The following NT5C3A variants were observed in gnomAD, a reference collection of about 807,000 sequenced individuals.
NT5C3A encodes cytosolic 5'-nucleotidase 3A.
In NT5C3A, 23 loss-of-function variants were observed where a neutral mutation model predicts 40.0. The observed-to-expected ratio is 0.58, with a 90% confidence interval of 0.41 to 0.81. The LOEUF (loss-of-function observed/expected upper bound fraction) is 0.81, where lower values mean the gene tolerates loss of function less well. Ranked by LOEUF, NT5C3A falls within the 40% of genes least tolerant of loss-of-function variation. The pLI is 0.00. For synonymous variants in NT5C3A, 130 were observed against 141.4 expected (o/e 0.92, Z 0.57); for missense variants, 328 against 403.0 (o/e 0.81, Z 1.59).
chr7:33,040,297 T>A (rs2128009443), intron 1 of NT5C3A, among the ~76,000 whole-genome samples: 1 of 152,336 alleles, frequency 6.6e-6, no homozygotes, highest in East Asian at 1.9e-4. Flanking sequence ...TTCTAGGCTT[T>A]TACTGTAATA....
At chr7:33,045,155 G>A (rs1344743063) in intron 1 of NT5C3A, among the ~76,000 whole-genome samples, 1 of 152,214 alleles carries the variant, frequency 6.6e-6, no homozygotes, top group Non-Finnish European at 1.5e-5. Context: ...AGACAATTTA[G>A]TAGAAGATGA....
chr7:33,022,610 T>C (rs939519275), intron 3 of NT5C3A, among the ~76,000 whole-genome samples: 1 of 152,206 alleles, frequency 6.6e-6, no homozygotes, highest in Non-Finnish European at 1.5e-5. Context: ...GTCTTAAGAT[T>C]TCATGTATAT....
chr7:33,056,473 CAAAAAAAAAAAAAAAAAAAAAAAAAAA>C lies in NT5C3A; in HGVS notation c.138+6068_138+6094del, dbSNP rs70989927. ...GCAAATAGTGAGACCCCGTCTCTAC[CAAAAAAAAAAAAAAAAAAAAAAAAAAA>C]AAAAAAAAAAAAAAAATTTAACTTA... is the stretch of plus-strand genomic sequence containing the variant. On this transcript the variant is annotated intron_variant, in intron 1 of 8. Transcript: ENST00000610140. Among the ~76,000 whole-genome samples, 23 of 43,718 alleles carry C rather than the reference CAAAAAAAAAAAAAAAAAAAAAAAAAAA, an allele frequency of 5.3e-4. No individual in the cohort carries two copies. The South Asian group carries it at 0.021, about 40-fold the overall frequency. The allele number at this position is 43,718 out of a possible 152,430, so 28.7% of individuals were successfully genotyped here.
rs530924306 is a variant in NT5C3A at position 33,023,171 on chromosome 7, C to T, written c.307+868G>A. On this transcript the variant is annotated intron_variant, in intron 3 of 8. Coordinates refer to ENST00000610140, the MANE Select transcript of NT5C3A (RefSeq NM_001002010.5). ...AAGTGATTATTCCACCTCCACCTCCCGAAGTGCTGGGATTACAGGCGTGAG... is the reference window on the plus strand; with the variant it reads ...AAGTGATTATTCCACCTCCACCTCCTGAAGTGCTGGGATTACAGGCGTGAG... Among the ~76,000 whole-genome samples, 215 of 152,116 alleles carry T rather than the reference C, an allele frequency of 1.4e-3. 1 individual carries two copies. The highest frequency in any genetic ancestry group is 2.6e-3 in the Admixed American group (39 of 15,252).
At chr7:33,031,453 T>G (rs1013380139) in intron 1 of NT5C3A, among the ~76,000 whole-genome samples, 17 of 151,900 alleles carry the variant, frequency 1.1e-4, no homozygotes, top group African/African-American at 4.1e-4. Flanking sequence ...CCGGGCATGG[T>G]GGTGCACATC....
chr7:33,030,940 A>G (rs1189381861), intron 1 of NT5C3A, among the ~76,000 whole-genome samples: 1 of 151,876 alleles, frequency 6.6e-6, no homozygotes, highest in Non-Finnish European at 1.5e-5. Flanking sequence ...TCTACTAAAA[A>G]TACAAAAAAT....
In NT5C3A at chr7:33,062,677, C is replaced by T; in HGVS notation, c.29G>A (p.Gly10Asp). Residue 10 changes from glycine (G) to aspartate (D), a missense_variant, in exon 1 of 9, where the codon GGC becomes GAC. Coordinates refer to ENST00000610140, the MANE Select transcript of NT5C3A (RefSeq NM_001002010.5). MDRAAVARV[G>D]AVASASVCAL... ...GCACACGCTGGCGCTCGCTACCGCG[C>T]CCACCCTCGCCACGGCCGCGCGGTC... 6.3e-7 allele frequency: 1 copy of T among 1,576,872 alleles called. No individual in the cohort carries two copies. Among genetic ancestry groups the T allele is most frequent in the South Asian group, 1.1e-5 (1 of 86,996 alleles).
intron 1 of NT5C3A, among the ~76,000 whole-genome samples, chr7:33,027,968 A>G (rs1786040439): frequency 1.3e-5 from 2 of 152,240 alleles, no homozygotes; most frequent in South Asian, 4.1e-4. Context: ...AGCAGAAAGG[A>G]AGCAATTATC....
chr7:33,057,688 G>T lies in NT5C3A; in HGVS notation c.138+4880C>A, dbSNP rs183622704. Reference sequence around the variant, plus strand: ...TGGAAATGACCATTTTTAACTGGTTGTAGAGGTTCTAGTGATCGTTCCATC... The same window carrying T: ...TGGAAATGACCATTTTTAACTGGTTTTAGAGGTTCTAGTGATCGTTCCATC... On this transcript the variant is annotated intron_variant, in intron 1 of 8. Transcript: ENST00000610140. Among the ~76,000 whole-genome samples, 23 of 152,234 alleles carry T rather than the reference G, an allele frequency of 1.5e-4. No homozygotes were observed. The East Asian group carries it at 4.4e-3, about 29-fold the overall frequency.
chr7:33,017,319 G>T (rs1785387381), intron 7 of NT5C3A, 120 bp downstream of exon 7: 1 of 707,844 alleles, frequency 1.4e-6, no homozygotes, highest in Admixed American at 2.5e-5. Flanking sequence ...TCCCACAGTG[G>T]GCCTATCGGC....
At chr7:33,032,141 A>C (rs903234209) in intron 1 of NT5C3A, among the ~76,000 whole-genome samples, 1 of 148,816 alleles carries the variant, frequency 6.7e-6, no homozygotes, top group African/African-American at 2.5e-5. Context: ...AAACAAAAAA[A>C]GGCCAGGCAC....
chr7:33,035,752 C>CA (rs1365216055), intron 1 of NT5C3A, among the ~76,000 whole-genome samples: 8 of 152,132 alleles, frequency 5.3e-5, no homozygotes, highest in South Asian at 2.1e-4. Flanking sequence ...AGATTTCAAG[C>CA]AAAAACATTT....
chr7:33,050,843 A>T (rs1036654174), intron 1 of NT5C3A, among the ~76,000 whole-genome samples: 6 of 152,266 alleles, frequency 3.9e-5, no homozygotes, highest in Admixed American at 6.5e-5. Flanking sequence ...CTGAGAGTTA[A>T]CATAAAAGTG....
intron 1 of NT5C3A, among the ~76,000 whole-genome samples, chr7:33,042,261 C>T (rs778492874): frequency 6.6e-6 from 1 of 151,760 alleles, no homozygotes; most frequent in Non-Finnish European, 1.5e-5. Context: ...ACCCAGGAGG[C>T]GGAGGTTGCA....
intron 1 of NT5C3A, among the ~76,000 whole-genome samples, chr7:33,048,114 A>C (rs923323758): frequency 6.6e-6 from 1 of 152,118 alleles, no homozygotes; most frequent in Non-Finnish European, 1.5e-5. Flanking sequence ...CAGGTCCAAG[A>C]AAACAGGATG....
Position 33,062,592 on chromosome 7 carries a change from C to T in NT5C3A, c.114G>A (p.Gly38=). Residue 38 remains glycine, a synonymous_variant, in exon 1 of 9, where the codon GGG becomes GGA. Transcript: ENST00000610140. The stretch of plus-strand genomic sequence containing the variant: ...CCATCTCGATGATCTTGGTCTTCCG[C>T]CCCGTCTTCCTCTTCAAGGTGAATA... ...QYIFTLKRKT[G]RKTKIIEMMP... The T allele has an allele frequency of 6.2e-7, 1 of 1,610,222 alleles. No homozygotes were observed. Among genetic ancestry groups the T allele is most frequent in the Non-Finnish European group, 8.5e-7 (1 of 1,179,000 alleles).
chr7:33,040,544 C>G lies in NT5C3A; in HGVS notation c.139-13629G>C, dbSNP rs185015218. On this transcript the variant is annotated intron_variant, in intron 1 of 8. Coordinates refer to ENST00000610140, the MANE Select transcript of NT5C3A (RefSeq NM_001002010.5). ...TGAGTCACATAGCCAACTGAATGAA[C>G]AACCAAATTGAATCTTAGAGTGTTT... is the stretch of plus-strand genomic sequence containing the variant. Among the ~76,000 whole-genome samples, 5 of 152,248 alleles carry G rather than the reference C, an allele frequency of 3.3e-5. No homozygotes were observed. The East Asian group carries it at 9.7e-4, about 29-fold the overall frequency.
At chr7:33,056,072 T>C (rs1247378342) in intron 1 of NT5C3A, among the ~76,000 whole-genome samples, 1 of 152,092 alleles carries the variant, frequency 6.6e-6, no homozygotes, top group Non-Finnish European at 1.5e-5. Flanking sequence ...ATCATGTCAT[T>C]GCATTCCAGC....
In NT5C3A at chr7:33,062,683, C is replaced by G. The variant is rs1259229042; in HGVS notation, c.23G>C (p.Arg8Thr). The change falls in exon 1 of 9, where the codon AGG (arginine) becomes ACG (threonine). Residue 8 changes from arginine to threonine, a missense_variant. By Grantham distance (71) the Arg-to-Thr change is moderately conservative. This residue lies in a region of NT5C3A where 280 missense variants were observed against 317.2 expected (regional missense o/e 0.88). Coordinates refer to ENST00000610140, the MANE Select transcript of NT5C3A (RefSeq NM_001002010.5). ...GCTGGCGCTCGCTACCGCGCCCACC[C>G]TCGCCACGGCCGCGCGGTCCATGGA... MDRAAVA[R>T]VGAVASASVC... is the part of the protein sequence containing the mutation. The G allele has an allele frequency of 1.9e-6, 3 of 1,573,730 alleles. No homozygotes were observed. In the Admixed American group the frequency reaches 5.6e-5, roughly 29 times the overall value.
Sources: gnomAD v4.1 joint callset for allele counts (sites outside exome capture counted in the v4.1 genomes callset) on GRCh38, gnomAD v4.1.1 for gene constraint, gnomAD v4.1.1 regional missense constraint, MANE v1.5 for transcripts, NCBI Gene and HGNC (gene_info 2026-07-23, HGNC 2026-07-21) for gene names.